Variants in STAU2 observed in about 807,000 individuals in gnomAD.
STAU2 encodes the protein staufen double-stranded RNA binding protein 2.
In STAU2, 20 loss-of-function variants were observed where a neutral mutation model predicts 65.9. The observed-to-expected ratio is 0.30, with a 90% CI of 0.21 to 0.44. The LOEUF is 0.44. STAU2 is among the 20% of genes least tolerant of loss of function. STAU2 has a pLI of 1.00. For synonymous variants in STAU2, 232 were observed against 233.9 expected (o/e 0.99, Z 0.07); for missense variants, 558 against 683.9 (o/e 0.82, Z 2.05).
chr8:73,601,472 A>AT (rs1811625998), intron 10 of STAU2, among the ~76,000 whole-genome samples: 1 of 152,176 alleles, frequency 6.6e-6, no homozygotes, highest in African/African-American at 2.4e-5. Flanking sequence ...AACTGCATCC[A>AT]TTTTTTAATA....
intron 13 of STAU2, among the ~76,000 whole-genome samples, chr8:73,486,661 T>A (rs34606236): frequency 0.64 from 75,324 of 118,456 alleles, 21,791 homozygotes; most frequent in East Asian, 0.86. Flanking sequence ...ATATATATTT[T>A]TTTTTTTTTT....
At chr8:73,631,075 G>A (rs1018697061) in intron 6 of STAU2, among the ~76,000 whole-genome samples, 3 of 152,076 alleles carry the variant, frequency 2.0e-5, no homozygotes, top group Non-Finnish European at 2.9e-5. Context: ...GCCAATCTAG[G>A]CCAGGCACAG....
intron 12 of STAU2, among the ~76,000 whole-genome samples, chr8:73,570,025 A>C (rs1464530092): frequency 6.6e-6 from 1 of 152,210 alleles, no homozygotes; most frequent in Non-Finnish European, 1.5e-5. Flanking sequence ...CTCCAAGCTA[A>C]AGGAGGATGT....
chr8:73,527,619 A>G, intron 13 of STAU2: 1 of 1,145,184 alleles, frequency 8.7e-7, no homozygotes, highest in Non-Finnish European at 1.3e-6. Context: ...GTGCGCACAT[A>G]GCTTCCATTT....
intron 6 of STAU2, among the ~76,000 whole-genome samples, chr8:73,626,317 C>T (rs1371077450): frequency 6.6e-6 from 1 of 152,154 alleles, no homozygotes; most frequent in Non-Finnish European, 1.5e-5. Context: ...TTGGTTGGTC[C>T]ATTTTTGAGA....
intron 6 of STAU2, among the ~76,000 whole-genome samples, chr8:73,630,761 T>C (rs1814031687): frequency 6.6e-6 from 1 of 152,120 alleles, no homozygotes; most frequent in Non-Finnish European, 1.5e-5. Flanking sequence ...ATACATGCTG[T>C]GTCAGAACAT....
chr8:73,702,584 A>T (rs1248591858), intron 4 of STAU2, among the ~76,000 whole-genome samples: 1 of 152,162 alleles, frequency 6.6e-6, no homozygotes, highest in African/African-American at 2.4e-5. Context: ...ATAATTTTTT[A>T]ATTAAAAAAG....
chr8:73,690,221 C>G (rs185808260), intron 4 of STAU2, among the ~76,000 whole-genome samples: 1 of 148,252 alleles, frequency 6.7e-6, no homozygotes. Context: ...CCCAGCTACT[C>G]GGGAGGCTGA....
chr8:73,425,051 G>T (rs764493173), intron 13 of STAU2, among the ~76,000 whole-genome samples: 9 of 152,172 alleles, frequency 5.9e-5, no homozygotes, highest in Non-Finnish European at 1.2e-4. Flanking sequence ...GTTTTGATGG[G>T]AGGTAGGCGC....
chr8:73,425,911 G>T (rs1409757536), intron 13 of STAU2, among the ~76,000 whole-genome samples: 2 of 151,976 alleles, frequency 1.3e-5, no homozygotes, highest in East Asian at 3.9e-4. Flanking sequence ...TTGCACCTCA[G>T]CCTCCTGAGT....
At chr8:73,422,017 G>A (rs1816416717) in intron 14 of STAU2, among the ~76,000 whole-genome samples, 1 of 149,992 alleles carries the variant, frequency 6.7e-6, no homozygotes, top group Non-Finnish European at 1.5e-5. Context: ...CAGTCTCTTT[G>A]GTGAGACCTT....
At chr8:73,566,006 A>G (rs746028119) in intron 12 of STAU2, among the ~76,000 whole-genome samples, 2 of 152,242 alleles carry the variant, frequency 1.3e-5, no homozygotes, top group Non-Finnish European at 2.9e-5. Context: ...GTATTAACAC[A>G]AAATGTAATA....
At chr8:73,427,427 T>C (rs1308967198) in intron 13 of STAU2, among the ~76,000 whole-genome samples, 1 of 152,230 alleles carries the variant, frequency 6.6e-6, no homozygotes, top group African/African-American at 2.4e-5. Context: ...CCTTCTTCAC[T>C]AGACTTGGCT....
rs80197358 is a variant in STAU2 at position 73,442,458 on chromosome 8, C to T, written c.1531-19756G>A. On this transcript the variant is annotated intron_variant, in intron 13 of 14. Coordinates refer to ENST00000524300, the MANE Select transcript of STAU2 (RefSeq NM_001164380.2). Reference sequence around the variant, plus strand: ...TATCCTGATTTCTGCAAAATATCCTCATTAAGACAATTTAACCATACGAAG... The same window carrying T: ...TATCCTGATTTCTGCAAAATATCCTTATTAAGACAATTTAACCATACGAAG... Among the ~76,000 whole-genome samples, 49 of 152,126 alleles carry T rather than the reference C, an allele frequency of 3.2e-4. No individual in the cohort carries two copies. In the East Asian group the frequency reaches 7.9e-3, roughly 25 times the overall value.
chr8:73,651,896 T>C (rs1425475957), intron 6 of STAU2, among the ~76,000 whole-genome samples: 2 of 152,236 alleles, frequency 1.3e-5, no homozygotes, highest in Non-Finnish European at 2.9e-5. Flanking sequence ...GAGGCACCTC[T>C]CACCCTGACC....
intron 12 of STAU2, among the ~76,000 whole-genome samples, chr8:73,564,923 T>C (rs369902047): frequency 7.9e-5 from 12 of 152,112 alleles, no homozygotes; most frequent in South Asian, 2.1e-4. Context: ...TGTGTGTGTG[T>C]GCGCACACGC....
intron 6 of STAU2, among the ~76,000 whole-genome samples, chr8:73,654,888 T>A (rs1229414199): frequency 1.3e-5 from 2 of 151,922 alleles, no homozygotes; most frequent in Non-Finnish European, 2.9e-5. Flanking sequence ...GGTTTCACCG[T>A]GTTAGCCAGG....
intron 5 of STAU2, among the ~76,000 whole-genome samples, chr8:73,674,517 AATTG>A (rs2069176095): frequency 6.6e-6 from 1 of 151,962 alleles, no homozygotes; most frequent in South Asian, 2.1e-4. Context: ...ATTAAAACCT[AATTG>A]ATTGGTGGCC....
chr8:73,429,352 G>A (rs1817077036), intron 13 of STAU2, among the ~76,000 whole-genome samples: 1 of 142,526 alleles, frequency 7.0e-6, no homozygotes, highest in Non-Finnish European at 1.5e-5. Flanking sequence ...CCTACTTAAG[G>A]TCACACAGCT....
Sources: allele counts gnomAD v4.1 joint callset (sites outside exome capture counted in the v4.1 genomes callset), GRCh38; gene constraint gnomAD v4.1.1; transcripts MANE v1.5; gene names NCBI Gene and HGNC (gene_info 2026-07-23, HGNC 2026-07-21).